ADK: variants seen among roughly 807,000 people sequenced by gnomAD.
The protein encoded by ADK is adenosine kinase.
A neutral mutation model predicts 44.7 loss-of-function variants in ADK; 24 were observed. The observed-to-expected ratio is 0.54, with a 90% CI of 0.39 to 0.76. The LOEUF (loss-of-function observed/expected upper bound fraction) is 0.76, where lower values mean the gene tolerates loss of function less well. ADK is among the 30% of genes least tolerant of loss of function. The pLI is 0.00. For missense variants in ADK, 321 were observed against 425.1 expected (o/e 0.76, Z 2.15); for synonymous variants, 128 against 142.6 (o/e 0.90, Z 0.73).
intron 6 of ADK, among the ~76,000 whole-genome samples, chr10:74,434,818 T>G (rs764337832): frequency 3.1e-4 from 47 of 152,190 alleles, no homozygotes; most frequent in Admixed American, 5.9e-4. Context: ...TCCAAACTAA[T>G]GGGATCCTAT....
intron 1 of ADK, among the ~76,000 whole-genome samples, chr10:74,192,323 G>A (rs937479773): frequency 6.6e-6 from 1 of 151,994 alleles, no homozygotes; most frequent in Non-Finnish European, 1.5e-5. Context: ...CGCCTCCCGG[G>A]TTCAAGTGAT....
chr10:74,201,676 GTATCTATC>G (rs58785624), intron 2 of ADK, among the ~76,000 whole-genome samples: 28,500 of 115,764 alleles, frequency 0.25, 3,444 homozygotes, highest in East Asian at 0.39. Context: ...ATGTATGTAT[GTATCTATC>G]TATCTATCTA....
intron 6 of ADK, among the ~76,000 whole-genome samples, chr10:74,452,131 TA>T (rs561793414): frequency 5.3e-5 from 8 of 151,990 alleles, no homozygotes; most frequent in Non-Finnish European, 1.2e-4. Flanking sequence ...GTTATTTTAG[TA>T]AATTTGTAAC....
intron 6 of ADK, among the ~76,000 whole-genome samples, chr10:74,457,364 G>A (rs921854449): frequency 1.3e-5 from 2 of 152,150 alleles, no homozygotes; most frequent in African/African-American, 4.8e-5. Context: ...AAAAAGCCCA[G>A]GACCAGATGG....
intron 6 of ADK, among the ~76,000 whole-genome samples, chr10:74,421,367 G>C (rs563405679): frequency 2.0e-5 from 3 of 152,228 alleles, no homozygotes; most frequent in African/African-American, 7.2e-5. Context: ...TGTCAGGAAG[G>C]GATGTTACAG....
rs536720814 is a variant in ADK at position 74,480,019 on chromosome 10, T to C, written c.556-45237T>C. On this transcript the variant is annotated intron_variant, in intron 6 of 10. Coordinates refer to ENST00000539909, the MANE Select transcript of ADK (RefSeq NM_006721.4). ...TCATGCTTGGATGAAGCTTATCTTC[T>C]AATACATTTCTCAGGAAAGGCGTAT... Among the ~76,000 whole-genome samples, 4 of 152,248 alleles carry C rather than the reference T, an allele frequency of 2.6e-5. No individual in the cohort carries two copies. The South Asian group carries it at 8.3e-4, about 32-fold the overall frequency.
At chr10:74,459,181 G>A (rs1174732203) in intron 6 of ADK, among the ~76,000 whole-genome samples, 1 of 151,836 alleles carries the variant, frequency 6.6e-6, no homozygotes, top group Non-Finnish European at 1.5e-5. Context: ...TTGGGAGGCT[G>A]AGGCAGGGAG....
At chr10:74,705,459 CAT>C (rs10592912) in intron 10 of ADK, among the ~76,000 whole-genome samples, 67,406 of 152,000 alleles carry the variant, frequency 0.44, 17,120 homozygotes, top group Middle Eastern at 0.61. Flanking sequence ...TAACTTTGGA[CAT>C]ATGTGTACAC....
rs547032716 is a variant in ADK at position 74,431,053 on chromosome 10, C to T, written c.555+32474C>T. 3.2e-3 allele frequency among the ~76,000 whole-genome samples: 372 copies of T among 115,888 alleles called. 3 individuals are homozygous for T. Among genetic ancestry groups the T allele is most frequent in the Non-Finnish European group, 4.6e-3 (280 of 61,206 alleles). The allele number at this position is 115,888 out of a possible 152,430, so 76.0% of individuals were successfully genotyped here. A position where few individuals can be genotyped will look rare whatever the true frequency, so the allele number is the denominator to read the frequency against. The stretch of plus-strand genomic sequence containing the variant: ...CTGCACTCCAGCCTGGGCGACAGAG[C>T]GAGACTCCGTCTCAAAAAAAAAAAA... On this transcript the variant is annotated intron_variant, in intron 6 of 10. Coordinates refer to ENST00000539909, the MANE Select transcript of ADK (RefSeq NM_006721.4).
intron 6 of ADK, among the ~76,000 whole-genome samples, chr10:74,437,216 C>T (rs1845205687): frequency 1.3e-5 from 2 of 152,022 alleles, no homozygotes; most frequent in Admixed American, 1.3e-4. Context: ...TGACAAAAAT[C>T]TGAAGTTCTC....
At chr10:74,685,414 T>C (rs1855751021) in intron 10 of ADK, among the ~76,000 whole-genome samples, 1 of 152,210 alleles carries the variant, frequency 6.6e-6, no homozygotes, top group Non-Finnish European at 1.5e-5. Context: ...GCAAAAGATG[T>C]TGGGTTTTCT....
At chr10:74,400,081 T>A (rs1359264678) in intron 6 of ADK, among the ~76,000 whole-genome samples, 3 of 152,102 alleles carry the variant, frequency 2.0e-5, no homozygotes. Flanking sequence ...TGAATGGAGT[T>A]TTACAGTAGT....
chr10:74,530,855 G>A (rs1234504187), intron 7 of ADK, among the ~76,000 whole-genome samples: 1 of 152,154 alleles, frequency 6.6e-6, no homozygotes, highest in Non-Finnish European at 1.5e-5. Context: ...AACCTGGGAA[G>A]CAGAGGTTGC....
chr10:74,216,695 A>C (rs963975346), intron 2 of ADK, among the ~76,000 whole-genome samples: 1 of 148,842 alleles, frequency 6.7e-6, no homozygotes, highest in Admixed American at 6.8e-5. Context: ...ACTGTACTTC[A>C]GCCTGGGTGA....
chr10:74,589,146 A>G (rs533119424), intron 7 of ADK, 136 bp from the exon 8 acceptor site: 2 of 750,998 alleles, frequency 2.7e-6, no homozygotes, highest in South Asian at 3.4e-5. Flanking sequence ...TTATTGCTGT[A>G]AGAATAAAAA....
chr10:74,512,865 ATCTT>A (rs1333912697), intron 6 of ADK, among the ~76,000 whole-genome samples: 1 of 151,508 alleles, frequency 6.6e-6, no homozygotes, highest in African/African-American at 2.4e-5. Context: ...TTTACTTGAA[ATCTT>A]TCTTGTTTTT....
chr10:74,439,839 A>G (rs1845333718), intron 6 of ADK, among the ~76,000 whole-genome samples: 1 of 152,032 alleles, frequency 6.6e-6, no homozygotes, highest in African/African-American at 2.4e-5. Flanking sequence ...TTCCTTATAA[A>G]CCAACTTGGT....
chr10:74,276,444 A>G (rs1330059342), intron 3 of ADK, among the ~76,000 whole-genome samples: 5 of 152,234 alleles, frequency 3.3e-5, no homozygotes, highest in Admixed American at 6.5e-5. Flanking sequence ...AGAAGGGTGT[A>G]TTAATTTTCT....
At chr10:74,572,617 C>T (rs1362472063) in intron 7 of ADK, among the ~76,000 whole-genome samples, 3 of 152,206 alleles carry the variant, frequency 2.0e-5, no homozygotes, top group Admixed American at 6.5e-5. Context: ...TGGTTCCATT[C>T]TCCCCGTCAC....
Sources: gnomAD v4.1 joint callset for allele counts (sites outside exome capture counted in the v4.1 genomes callset) on GRCh38, gnomAD v4.1.1 for gene constraint, MANE v1.5 for transcripts, NCBI Gene and HGNC (gene_info 2026-07-23, HGNC 2026-07-21) for gene names.